The following TUBGCP5 variants were observed in gnomAD, a reference collection of about 807,000 sequenced individuals.
TUBGCP5 encodes tubulin gamma complex component 5, also known as gamma-tubulin complex component 5.
Under a neutral mutation model 134.7 loss-of-function variants are expected in TUBGCP5, and 98 were observed. That is an observed-to-expected ratio of 0.73 (90% confidence interval 0.62 to 0.86). TUBGCP5 has a LOEUF of 0.86. Among genes scored for constraint, TUBGCP5 ranks in the 40% least tolerant of loss-of-function variants. TUBGCP5 has a pLI of 0.00. For synonymous variants in TUBGCP5, 456 were observed against 431.4 expected, an observed-to-expected ratio of 1.06 and a Z score of -0.71; for missense variants, 1,150 against 1,244.8, an observed-to-expected ratio of 0.92 and a Z score of 1.15.
intron 11 of TUBGCP5, among the ~76,000 whole-genome samples, chr15:23,021,701 C>G (rs997961988): frequency 3.9e-5 from 6 of 152,160 alleles, no homozygotes; most frequent in Admixed American, 3.9e-4. Flanking sequence ...TGTAAGAAAG[C>G]GTTATTGTAA....
At chr15:23,007,674 C>T (rs1370343657) in intron 16 of TUBGCP5, among the ~76,000 whole-genome samples, 3 of 152,090 alleles carry the variant, frequency 2.0e-5, no homozygotes, top group Non-Finnish European at 4.4e-5. Context: ...ATCCCTGAAA[C>T]GCGAAGGAAG....
intron 23 of TUBGCP5, among the ~76,000 whole-genome samples, chr15:22,983,836 C>A (rs960353087): frequency 3.3e-5 from 5 of 151,978 alleles, no homozygotes; most frequent in Non-Finnish European, 5.9e-5. Context: ...TAAAAACAAC[C>A]ATTAGGCCAG....
At chr15:23,016,969 G>GAGATATATATATATATATATATAT (rs1555439437) in intron 13 of TUBGCP5, among the ~76,000 whole-genome samples, 6 of 109,394 alleles carry the variant, frequency 5.5e-5, no homozygotes, top group Non-Finnish European at 9.4e-5. Context: ...AAAATTGTGA[G>GAGATATATATATATATATATATAT]ATATATATAT....
intron 1 of TUBGCP5, among the ~76,000 whole-genome samples, chr15:23,038,975 A>C (rs933686509): frequency 6.6e-6 from 1 of 151,964 alleles, no homozygotes; most frequent in African/African-American, 2.4e-5. Flanking sequence ...AGGGTGAGAG[A>C]TCTTACACTG....
chr15:23,027,825 G>GT (rs1555443974), intron 6 of TUBGCP5, among the ~76,000 whole-genome samples: 8 of 145,732 alleles, frequency 5.5e-5, no homozygotes, highest in African/African-American at 7.9e-5. Flanking sequence ...TGACTAGAAA[G>GT]TAAAAAAAAA....
intron 5 of TUBGCP5, 66 bp from the exon 6 acceptor site, chr15:23,031,086 A>T (rs1309064996): frequency 7.0e-7 from 1 of 1,425,246 alleles, no homozygotes; most frequent in Admixed American, 2.6e-5. Context: ...TTACATTAAA[A>T]GACTAAGAAA....
chr15:23,027,769 A>T (rs998343753), intron 6 of TUBGCP5, among the ~76,000 whole-genome samples: 1 of 152,018 alleles, frequency 6.6e-6, no homozygotes, highest in African/African-American at 2.4e-5. Context: ...AAAATAAAAT[A>T]AAACCACACA....
Position 23,013,321 on chromosome 15 carries a change from T to C in TUBGCP5, c.1757-1990A>G, listed in dbSNP as rs558879386. Among the ~76,000 whole-genome samples the C allele has an allele frequency of 2.4e-3, 364 of 151,698 alleles. 4 individuals are homozygous for C. Among genetic ancestry groups the C allele is most frequent in the Non-Finnish European group, 2.6e-3 (177 of 67,892 alleles). ...CAAAAAAATTAGCCGGGCACGGTGG[T>C]GTGCGCCTGTAGTCCCAGCTGCTGG... On this transcript the variant is annotated intron_variant, in intron 13 of 22. Coordinates refer to ENST00000615383, the MANE Select transcript of TUBGCP5 (RefSeq NM_052903.6). This position sits in a 1 kb window ranked among gnomAD's most constrained non-coding sequence, Gnocchi z 4.5.
rs2063932615 is a variant in TUBGCP5, at chr15:22,993,557, T to TTTTTTTTTA, written c.*61+3287_*61+3288insTAAAAAAAA. The stretch of plus-strand genomic sequence containing the variant: ...TTTTTTTTTTTTTTTTTTTTTTTTT[T>TTTTTTTTTA]AATATGAGACGGAGTCTCGCTCTGT... On this transcript the variant is annotated intron_variant and NMD_transcript_variant, in intron 23 of 23. Transcript: ENST00000614508. 1.2e-4 allele frequency among the ~76,000 whole-genome samples: 15 copies of TTTTTTTTTA among 123,334 alleles called. 1 individual carries two copies. The highest frequency in any genetic ancestry group is 5.0e-4 in the African/African-American group (14 of 27,808). The allele number at this position is 123,334 out of a possible 152,430, so 80.9% of individuals were successfully genotyped here. A position where few individuals can be genotyped will look rare whatever the true frequency, so the allele number is the denominator to read the frequency against.
chr15:22,998,044 G>C (rs1211462964), downstream of TUBGCP5, among the ~76,000 whole-genome samples: 1 of 152,078 alleles, frequency 6.6e-6, no homozygotes, highest in Admixed American at 6.6e-5. Context: ...GCCAGGCACA[G>C]TGGCTCACGC....
chr15:22,994,269 T>C (rs2063968369), downstream of TUBGCP5, among the ~76,000 whole-genome samples: 1 of 151,674 alleles, frequency 6.6e-6, no homozygotes, highest in African/African-American at 2.4e-5. Context: ...TTTGTATTTT[T>C]AGTAGAGACG....
Position 23,029,097 on chromosome 15 carries a change from C to G in TUBGCP5, c.622+1788G>C, listed in dbSNP as rs1448206824. Among the ~76,000 whole-genome samples the G allele has an allele frequency of 3.3e-5, 5 of 152,092 alleles. 1 individual carries two copies. The highest frequency in any genetic ancestry group is 5.9e-5 in the Non-Finnish European group (4 of 68,014). On this transcript the variant is annotated intron_variant, in intron 6 of 22. Transcript: ENST00000615383. ...AAGATGTTTAAAAAAAATTTCCAAA[C>G]TCTAGTAAAAGATAAAAAATTACGA...
chr15:23,009,953 T>A lies in TUBGCP5; in HGVS notation c.2136A>T (p.Lys712Asn). Residue 712 changes from lysine (K) to asparagine (N), a missense_variant, in exon 15 of 23, where the codon AAA (lysine) becomes AAT (asparagine). Physicochemically the swap from Lys to Asn is moderately conservative, Grantham distance 94. Coordinates refer to ENST00000615383, the MANE Select transcript of TUBGCP5 (RefSeq NM_052903.6). Reference protein sequence around the residue: ...CCGNLMQTLKKDYRLVEYLQA... With the variant: ...CCGNLMQTLKNDYRLVEYLQA... ...TTAAATTACTCTTTTACCTGTAATCTTTTTTTAGAGTTTGCATGAGATTTC... is the reference window on the plus strand; with the variant it reads ...TTAAATTACTCTTTTACCTGTAATCATTTTTTAGAGTTTGCATGAGATTTC... 2 of 1,610,466 alleles carry A rather than the reference T, an allele frequency of 1.2e-6. No homozygotes were observed. The highest frequency in any genetic ancestry group is 1.7e-6 in the Non-Finnish European group (2 of 1,177,874).
chr15:22,984,361 T>C (rs1166337255), intron 23 of TUBGCP5, among the ~76,000 whole-genome samples: 1 of 152,094 alleles, frequency 6.6e-6, no homozygotes, highest in Non-Finnish European at 1.5e-5. Context: ...GGCTCACACC[T>C]GTAATCCCAG....
At position 23,027,256 on chromosome 15, in the gene TUBGCP5, A is replaced by G. The variant is rs1464262332; in HGVS notation, c.673T>C (p.Trp225Arg). ...GGAAACTGGGAGGGCCTGGCTGTCC[A>G]GTACTGATGGACCACATGATGTTCC... ...WLEHHVVHQY[W>R]TARPSQFPHS... The change falls in exon 7 of 23, where the codon TGG (tryptophan) becomes CGG (arginine). Residue 225 changes from tryptophan (W) to arginine (R), a missense_variant. By Grantham distance (101) the Trp-to-Arg change is moderately radical (BLOSUM62 -3). Transcript: ENST00000615383. 1.2e-6 allele frequency: 2 copies of G among 1,614,108 alleles called. No homozygotes were observed. The highest frequency in any genetic ancestry group is 1.7e-6 in the Non-Finnish European group (2 of 1,179,982).
intron 8 of TUBGCP5, 39 bp from the exon 9 acceptor site, chr15:23,024,869 C>A: frequency 8.1e-7 from 1 of 1,234,924 alleles, no homozygotes; most frequent in South Asian, 1.3e-5. Context: ...TACTTTAAGT[C>A]TAGAAAAATA....
At chr15:22,995,989 G>A (rs967177694), downstream of TUBGCP5, among the ~76,000 whole-genome samples, 8 of 152,134 alleles carry the variant, frequency 5.3e-5, no homozygotes, top group African/African-American at 1.9e-4. Flanking sequence ...GCATTCCACT[G>A]CGTGCATATA....
At chr15:23,035,937 G>A (rs1333686985) in intron 3 of TUBGCP5, among the ~76,000 whole-genome samples, 2 of 152,182 alleles carry the variant, frequency 1.3e-5, no homozygotes, top group Admixed American at 6.5e-5. Flanking sequence ...TTTAAAGGGG[G>A]AGACAAGAAA....
intron 21 of TUBGCP5, among the ~76,000 whole-genome samples, chr15:23,001,476 T>G (rs921028552): frequency 3.3e-5 from 5 of 151,376 alleles, no homozygotes; most frequent in Admixed American, 6.6e-5. Context: ...CCCAAGTAGC[T>G]GGGATTACAG....
Sources: allele counts gnomAD v4.1 joint callset (sites outside exome capture counted in the v4.1 genomes callset), GRCh38; gene constraint gnomAD v4.1.1; non-coding constraint Gnocchi (gnomAD v3.1); transcripts MANE v1.5; gene names NCBI Gene and HGNC (gene_info 2026-07-23, HGNC 2026-07-21).